The following APP variants were observed in gnomAD, a reference collection of about 807,000 sequenced individuals.
APP encodes the protein amyloid-beta precursor protein.
APP carries 31 observed loss-of-function variants against 101.4 expected under a neutral mutation model. That is an observed-to-expected ratio of 0.31 (90% CI 0.23 to 0.41). The LOEUF is 0.41. Ranked by LOEUF, APP falls within the 10% of genes least tolerant of loss-of-function variation. APP has a pLI of 1.00. For missense variants in APP, 839 were observed against 1,003.7 expected, an observed-to-expected ratio of 0.84 and a Z score of 2.22; for synonymous variants, 366 against 364.4, an observed-to-expected ratio of 1.00 and a Z score of -0.05.
intron 15 of APP, among the ~76,000 whole-genome samples, chr21:25,898,720 C>T (rs2038243100): frequency 6.6e-6 from 1 of 152,204 alleles, no homozygotes; most frequent in Non-Finnish European, 1.5e-5. Flanking sequence ...CAAGCCTAAT[C>T]CTCCCTTCCA....
intron 16 of APP, among the ~76,000 whole-genome samples, chr21:25,897,323 C>T (rs964030274): frequency 1.3e-5 from 2 of 152,276 alleles, no homozygotes; most frequent in Admixed American, 1.3e-4. Context: ...ACCATATTGG[C>T]CAGGCTGGTC....
intron 1 of APP, among the ~76,000 whole-genome samples, chr21:26,122,239 G>A (rs2062589569): frequency 6.6e-6 from 1 of 152,158 alleles, no homozygotes; most frequent in African/African-American, 2.4e-5. Context: ...TAGTTAGCGG[G>A]ATTTCCAGTT....
At chr21:26,058,949 C>T (rs901778694) in intron 3 of APP, among the ~76,000 whole-genome samples, 13 of 151,724 alleles carry the variant, frequency 8.6e-5, no homozygotes, top group Admixed American at 1.3e-4. Flanking sequence ...GGCGTGGTAG[C>T]GGGCGCCTGT....
chr21:25,995,782 C>T (rs576365350), intron 8 of APP, among the ~76,000 whole-genome samples: 1 of 152,142 alleles, frequency 6.6e-6, no homozygotes, highest in Non-Finnish European at 1.5e-5. Flanking sequence ...CAAACCACAT[C>T]CTTCAAAAGT....
chr21:25,897,502 G>T, intron 16 of APP, 71 bp downstream of exon 16: 1 of 1,134,422 alleles, frequency 8.8e-7, no homozygotes, highest in South Asian at 1.2e-5. Context: ...TTCTAGCACA[G>T]GATGAACCAG....
chr21:26,128,585 C>T (rs1471428555), intron 1 of APP, among the ~76,000 whole-genome samples: 1 of 152,100 alleles, frequency 6.6e-6, no homozygotes, highest in Non-Finnish European at 1.5e-5. Context: ...GAATAAATGC[C>T]TCATTTCATA....
At chr21:25,930,282 T>A (rs948774723) in intron 13 of APP, among the ~76,000 whole-genome samples, 1 of 152,074 alleles carries the variant, frequency 6.6e-6, no homozygotes, top group Non-Finnish European at 1.5e-5. Context: ...CTGACCGGGA[T>A]AAGAAGGATC....
intron 1 of APP, among the ~76,000 whole-genome samples, chr21:26,116,893 T>G (rs1366134585): frequency 4.6e-5 from 7 of 152,194 alleles, no homozygotes; most frequent in Non-Finnish European, 7.3e-5. Context: ...CTCAGTATTT[T>G]TTTTTGGATA....
chr21:25,986,773 A>T (rs905391230), intron 8 of APP, among the ~76,000 whole-genome samples: 2 of 152,226 alleles, frequency 1.3e-5, no homozygotes, highest in Non-Finnish European at 2.9e-5. Context: ...AAATAAATAA[A>T]TAAAGGCTAG....
chr21:26,085,977 A>G (rs2061694222), intron 3 of APP, among the ~76,000 whole-genome samples: 1 of 152,176 alleles, frequency 6.6e-6, no homozygotes, highest in African/African-American at 2.4e-5. Flanking sequence ...TTTTTGGATT[A>G]AGCTATTAAC....
intron 8 of APP, among the ~76,000 whole-genome samples, chr21:25,996,621 C>T (rs1050064407): frequency 3.3e-5 from 5 of 152,290 alleles, no homozygotes; most frequent in East Asian, 3.9e-4. Context: ...TATCTAATTA[C>T]GCTTATAATT....
chr21:26,163,348 A>G (rs1014302295), intron 1 of APP, among the ~76,000 whole-genome samples: 2 of 152,160 alleles, frequency 1.3e-5, no homozygotes, highest in African/African-American at 4.8e-5. Flanking sequence ...TTTGTGAAGA[A>G]AAAAAGGAAC....
chr21:26,116,774 T>C (rs2062444705), intron 1 of APP, among the ~76,000 whole-genome samples: 1 of 152,220 alleles, frequency 6.6e-6, no homozygotes, highest in South Asian at 2.1e-4. Context: ...CCATCTGTTT[T>C]CTGCATTTGA....
chr21:25,893,562 G>T (rs775884733), intron 16 of APP, among the ~76,000 whole-genome samples: 5 of 152,146 alleles, frequency 3.3e-5, no homozygotes, highest in Non-Finnish European at 7.3e-5. Flanking sequence ...CTGGATGGAA[G>T]ATCAAACCAA....
chr21:25,965,174 C>T (rs1489626004), intron 11 of APP, among the ~76,000 whole-genome samples: 2 of 152,204 alleles, frequency 1.3e-5, no homozygotes, highest in African/African-American at 4.8e-5. Flanking sequence ...TTTAGTCAAA[C>T]AGTGAAACAT....
chr21:26,027,805 T>C (rs1412393017), intron 5 of APP, among the ~76,000 whole-genome samples: 7 of 140,656 alleles, frequency 5.0e-5, no homozygotes, highest in Non-Finnish European at 1.5e-5. Flanking sequence ...GAAAAGGGTT[T>C]CTTGTTACTT....
intron 13 of APP, among the ~76,000 whole-genome samples, chr21:25,925,946 A>G (rs1032785350): frequency 7.9e-5 from 12 of 152,226 alleles, no homozygotes; most frequent in African/African-American, 2.9e-4. Context: ...CACAAGCCAA[A>G]ACCAAAAACA....
At chr21:25,974,894 T>C (rs1487221590) in intron 11 of APP, among the ~76,000 whole-genome samples, 176 bp downstream of exon 11, 1 of 152,012 alleles carries the variant, frequency 6.6e-6, no homozygotes, top group African/African-American at 2.4e-5. Flanking sequence ...CTTGTGGAGG[T>C]AGCTGCCCTG....
chr21:25,905,346 A>C (rs999857225), intron 14 of APP, among the ~76,000 whole-genome samples: 1 of 152,194 alleles, frequency 6.6e-6, no homozygotes, highest in East Asian at 1.9e-4. Flanking sequence ...AGCAACATCA[A>C]AGAAGAGGGG....
Sources: allele counts gnomAD v4.1 joint callset (sites outside exome capture counted in the v4.1 genomes callset), GRCh38; gene constraint gnomAD v4.1.1; transcripts MANE v1.5; gene names NCBI Gene and HGNC (gene_info 2026-07-23, HGNC 2026-07-21).